CNTN1: variants seen among roughly 807,000 people sequenced by gnomAD.
CNTN1 encodes the protein contactin 1, also known as contactin-1.
Under a neutral mutation model 126.4 loss-of-function variants are expected in CNTN1, and 38 were observed. The observed-to-expected ratio is 0.30, with a 90% confidence interval of 0.23 to 0.39. The LOEUF (loss-of-function observed/expected upper bound fraction) is 0.39, where lower values mean the gene tolerates loss of function less well. Among genes scored for constraint, CNTN1 ranks in the 10% least tolerant of loss-of-function variants. CNTN1 has a pLI of 1.00. For missense variants in CNTN1, 1,009 were observed against 1,248.4 expected (o/e 0.81, Z 2.89); for synonymous variants, 413 against 422.6 (o/e 0.98, Z 0.28).
At chr12:41,060,168 C>T (rs535412690) in intron 23 of CNTN1, among the ~76,000 whole-genome samples, 21 of 152,258 alleles carry the variant, frequency 1.4e-4, no homozygotes, top group South Asian at 1.2e-3. Flanking sequence ...TACCCACAAA[C>T]ACCAGCCAGT....
intron 1 of CNTN1, among the ~76,000 whole-genome samples, chr12:40,805,614 A>G (rs1276032817): frequency 6.6e-6 from 1 of 152,070 alleles, no homozygotes; most frequent in Non-Finnish European, 1.5e-5. Flanking sequence ...TTAATCGCTG[A>G]TATTTTAAAT....
chr12:40,779,675 A>T lies in CNTN1; in HGVS notation c.-77+87083A>T, dbSNP rs1939717601. Among the ~76,000 whole-genome samples, 3 of 151,932 alleles carry T rather than the reference A, an allele frequency of 2.0e-5. No individual in the cohort carries two copies. In the South Asian group the frequency reaches 6.2e-4, roughly 31 times the overall value. On this transcript the variant is annotated intron_variant, in intron 1 of 23. Coordinates refer to ENST00000551295, the MANE Select transcript of CNTN1 (RefSeq NM_001843.4). ...GTTTTCCTATTATTGACTGTAAAAC[A>T]GTTAAGAGATGCTTTGGAATCCAAC...
At chr12:40,857,609 T>C (rs1439415729) in intron 1 of CNTN1, among the ~76,000 whole-genome samples, 1 of 152,138 alleles carries the variant, frequency 6.6e-6, no homozygotes, top group Non-Finnish European at 1.5e-5. Flanking sequence ...TTGCTTCCCG[T>C]GGAAAAAGTC....
At chr12:41,003,269 A>G (rs1313745029) in intron 17 of CNTN1, among the ~76,000 whole-genome samples, 1 of 152,234 alleles carries the variant, frequency 6.6e-6, no homozygotes, top group African/African-American at 2.4e-5. Flanking sequence ...ATGTTAAACA[A>G]GCCTTGCTTC....
At chr12:40,834,899 A>T (rs1362312408) in intron 1 of CNTN1, among the ~76,000 whole-genome samples, 1 of 152,198 alleles carries the variant, frequency 6.6e-6, no homozygotes, top group Non-Finnish European at 1.5e-5. Context: ...AATTATTATG[A>T]GCATACAATT....
chr12:40,971,520 ACACT>A, intron 15 of CNTN1: 1 of 1,593,326 alleles, frequency 6.3e-7, no homozygotes, highest in Non-Finnish European at 8.5e-7. Flanking sequence ...GTGATCGTTG[ACACT>A]CACCATTTCT....
intron 7 of CNTN1, among the ~76,000 whole-genome samples, chr12:40,930,567 A>G (rs917882749): frequency 2.0e-5 from 3 of 151,958 alleles, no homozygotes; most frequent in Non-Finnish European, 2.9e-5. Context: ...CCAGGCTCCA[A>G]TTGAACTACT....
rs139461180 is a variant in CNTN1, at chr12:41,029,170, C to A, written c.2931C>A (p.Arg977=). 8.1e-6 allele frequency: 13 copies of A among 1,614,050 alleles called. No homozygotes were observed. Among genetic ancestry groups the A allele is most frequent in the Non-Finnish European group, 1.1e-5 (13 of 1,180,002 alleles). ...ATGGAGAATACGTTGTGGAGGTTCGCGCGCACAGTGATGGAGGAGATGGAG... is the reference window on the plus strand; with the variant it reads ...ATGGAGAATACGTTGTGGAGGTTCGAGCGCACAGTGATGGAGGAGATGGAG... ...PRDGEYVVEV[R]AHSDGGDGVV... is the part of the protein sequence containing the mutation. Residue 977 remains arginine, a synonymous_variant, in exon 23 of 24, where the codon CGC becomes CGA. Coordinates refer to ENST00000551295, the MANE Select transcript of CNTN1 (RefSeq NM_001843.4).
chr12:40,799,421 GTTTA>G (rs1940563102), intron 1 of CNTN1, among the ~76,000 whole-genome samples: 2 of 151,820 alleles, frequency 1.3e-5, no homozygotes, highest in Non-Finnish European at 2.9e-5. Flanking sequence ...TGCCTGATGA[GTTTA>G]TTTTTTCCTC....
At position 40,929,799 on chromosome 12, in the gene CNTN1, A is replaced by C. The variant is rs1333010968; in HGVS notation, c.500A>C (p.Asp167Ala). Residue 167 changes from aspartate to alanine, a missense_variant, in exon 7 of 24, where the codon GAT (aspartate) becomes GCT (alanine). Physicochemically the swap from Asp to Ala is moderately radical, Grantham distance 126. Coordinates refer to ENST00000551295, the MANE Select transcript of CNTN1 (RefSeq NM_001843.4). Reference protein sequence around the residue: ...LCDPPYHFPDDLSYRWLLNEF... With the variant: ...LCDPPYHFPDALSYRWLLNEF... ...AGAAGGCAATATTTTCTCCTAGATG[A>C]TCTTAGCTATCGCTGGCTTCTAAAT... The C allele has an allele frequency of 6.2e-7, 1 of 1,610,446 alleles. No individual in the cohort carries two copies. Among genetic ancestry groups the C allele is most frequent in the African/African-American group, 1.3e-5 (1 of 74,900 alleles).
At chr12:40,992,673 A>G (rs1471498713) in intron 16 of CNTN1, among the ~76,000 whole-genome samples, 1 of 152,194 alleles carries the variant, frequency 6.6e-6, no homozygotes, top group East Asian at 1.9e-4. Flanking sequence ...TATAAACATT[A>G]ACCTTTTCTA....
intron 1 of CNTN1, among the ~76,000 whole-genome samples, chr12:40,697,762 A>G (rs1398736637): frequency 2.6e-5 from 4 of 152,200 alleles, no homozygotes; most frequent in Non-Finnish European, 4.4e-5. Flanking sequence ...CACTCAGTCT[A>G]TTAAGATCCT....
At chr12:41,063,583 G>A (rs1433976446) in intron 23 of CNTN1, among the ~76,000 whole-genome samples, 1 of 152,260 alleles carries the variant, frequency 6.6e-6, no homozygotes, top group African/African-American at 2.4e-5. Context: ...GCAAAGTACC[G>A]TTCCTCCTGA....
chr12:40,726,098 G>T (rs550554211), intron 1 of CNTN1, among the ~76,000 whole-genome samples: 98 of 152,176 alleles, frequency 6.4e-4, no homozygotes, highest in African/African-American at 2.2e-3. Context: ...AATGACTAGG[G>T]AGGGGGAAAG....
At chr12:40,960,472 C>T (rs1212391551) in intron 15 of CNTN1, among the ~76,000 whole-genome samples, 1 of 152,012 alleles carries the variant, frequency 6.6e-6, no homozygotes, top group Non-Finnish European at 1.5e-5. Flanking sequence ...CAATCTCATG[C>T]AGCTCCTGCA....
chr12:40,772,711 T>G (rs10784861), intron 1 of CNTN1, among the ~76,000 whole-genome samples: 146,256 of 151,944 alleles, frequency 0.96, 70,632 homozygotes, highest in East Asian at 1. Context: ...ACAATCAGAT[T>G]ATTATGGCTG....
chr12:41,028,332 C>T (rs34384075), intron 22 of CNTN1, among the ~76,000 whole-genome samples: 9,328 of 152,144 alleles, frequency 0.061, 340 homozygotes, highest in Middle Eastern at 0.13. Context: ...ACGGCTGGCC[C>T]CATTCAACTT....
chr12:40,834,519 A>G (rs1941974669), intron 1 of CNTN1, among the ~76,000 whole-genome samples: 1 of 152,190 alleles, frequency 6.6e-6, no homozygotes, highest in African/African-American at 2.4e-5. Context: ...CAGAAAGAAC[A>G]TAGGAATTTA....
At chr12:41,032,735 T>C (rs1305798205) in intron 23 of CNTN1, among the ~76,000 whole-genome samples, 2 of 152,218 alleles carry the variant, frequency 1.3e-5, no homozygotes, top group African/African-American at 4.8e-5. Flanking sequence ...ACTGTTTACT[T>C]TTCATCCTAA....
Sources: gnomAD v4.1 joint callset for allele counts (sites outside exome capture counted in the v4.1 genomes callset) on GRCh38, gnomAD v4.1.1 for gene constraint, MANE v1.5 for transcripts, NCBI Gene and HGNC (gene_info 2026-07-23, HGNC 2026-07-21) for gene names.